Variants in AFF2 observed in about 807,000 individuals in gnomAD.
AFF2 encodes the protein ALF transcription elongation factor 2.
AFF2 carries 14 observed loss-of-function variants against 76.9 expected under a neutral mutation model. The observed-to-expected ratio is 0.18, with a 90% CI of 0.12 to 0.28. The LOEUF is 0.28. Ranked by LOEUF, AFF2 falls within the 10% of genes least tolerant of loss-of-function variation. The pLI is 1.00. For synonymous variants in AFF2, 398 were observed against 366.7 expected (o/e 1.09, Z -0.98); for missense variants, 868 against 1,001.1 (o/e 0.87, Z 1.79).
intron 3 of AFF2, among the ~76,000 whole-genome samples, chrX:148,799,597 G>A (rs1273907839): frequency 8.9e-6 from 1 of 112,033 alleles, no homozygotes; most frequent in Non-Finnish European, 1.9e-5. Flanking sequence ...TTCACAGCAG[G>A]CAAATTAATT....
At chrX:148,681,585 A>T (rs6654998) in intron 3 of AFF2, among the ~76,000 whole-genome samples, 3,861 of 38,139 alleles carry the variant, frequency 0.1, 201 homozygotes, top group African/African-American at 0.3. Flanking sequence ...TGTGTGTGTG[A>T]GAGAGAGAGA....
intron 1 of AFF2, among the ~76,000 whole-genome samples, chrX:148,526,240 G>T (rs1441911895): frequency 3.6e-5 from 4 of 110,526 alleles, no homozygotes; most frequent in African/African-American, 6.6e-5. Flanking sequence ...TTTATTTATT[G>T]CTAAAATTTG....
At chrX:148,927,000 G>C (rs782365759) in intron 9 of AFF2, among the ~76,000 whole-genome samples, 1 of 112,062 alleles carries the variant, frequency 8.9e-6, no homozygotes, top group East Asian at 2.8e-4. Flanking sequence ...GACCTAAGGC[G>C]TCACTTTCTC....
At chrX:148,546,214 G>C (rs1557238154) in intron 1 of AFF2, among the ~76,000 whole-genome samples, 2 of 111,455 alleles carry the variant, frequency 1.8e-5, no homozygotes, top group Admixed American at 1.9e-4. Context: ...ATTTTGCATA[G>C]ACTCCATAGT....
intron 3 of AFF2, among the ~76,000 whole-genome samples, chrX:148,733,482 G>C (rs1485847032): frequency 9.0e-6 from 1 of 111,003 alleles, no homozygotes; most frequent in Admixed American, 9.7e-5. Flanking sequence ...GAGAAACTGT[G>C]TTAGTGCTCT....
intron 12 of AFF2, 75 bp downstream of exon 12, chrX:148,958,533 T>C (rs1557287667): frequency 8.9e-7 from 1 of 1,118,279 alleles, no homozygotes; most frequent in Non-Finnish European, 1.2e-6. Flanking sequence ...TTGAACCTGT[T>C]TGGGGGATCT....
intron 3 of AFF2, among the ~76,000 whole-genome samples, chrX:148,703,860 G>A (rs1240753097): frequency 9.1e-6 from 1 of 110,125 alleles, no homozygotes; most frequent in African/African-American, 3.3e-5. Flanking sequence ...AATTATTAAT[G>A]CAACCTTAAA....
chrX:148,537,958 C>T (rs377050600), intron 1 of AFF2, among the ~76,000 whole-genome samples: 2 of 112,189 alleles, frequency 1.8e-5, no homozygotes, highest in Non-Finnish European at 3.8e-5. Flanking sequence ...CTTGTGGTGC[C>T]GCACAGGACG....
intron 1 of AFF2, among the ~76,000 whole-genome samples, chrX:148,517,574 G>A (rs1548388): frequency 4.7e-4 from 53 of 111,712 alleles, no homozygotes; most frequent in African/African-American, 1.7e-3. Context: ...CTAACCCTTA[G>A]TACATTGTAC....
intron 3 of AFF2, among the ~76,000 whole-genome samples, chrX:148,803,186 G>A (rs782813016): frequency 1.8e-4 from 20 of 111,525 alleles, no homozygotes; most frequent in Non-Finnish European, 3.4e-4. Context: ...GAGGATTGTA[G>A]GGCAGGCACC....
chrX:148,917,179 A>G (rs2071542123), intron 9 of AFF2, among the ~76,000 whole-genome samples: 1 of 111,991 alleles, frequency 8.9e-6, no homozygotes, highest in South Asian at 3.8e-4. Context: ...ACTGTTATTA[A>G]TAGAGCTAGA....
chrX:148,915,312 C>T (rs1014091785), intron 9 of AFF2, among the ~76,000 whole-genome samples: 1 of 112,544 alleles, frequency 8.9e-6, no homozygotes, highest in Non-Finnish European at 1.9e-5. Flanking sequence ...AGCATACCCT[C>T]ATGCACCATG....
chrX:148,712,463 A>C (rs1557262982), intron 3 of AFF2, among the ~76,000 whole-genome samples: 1 of 112,006 alleles, frequency 8.9e-6, no homozygotes, highest in African/African-American at 3.2e-5. Flanking sequence ...AGAACAACAC[A>C]AATTTTAAAA....
intron 4 of AFF2, among the ~76,000 whole-genome samples, chrX:148,830,418 C>G (rs2070439304): frequency 8.9e-6 from 1 of 112,078 alleles, no homozygotes; most frequent in African/African-American, 3.2e-5. Flanking sequence ...GTGGCTCCCT[C>G]CATGGGCCCA....
chrX:148,997,942 T>G lies in AFF2; in HGVS notation c.*6610T>G, dbSNP rs1156726652. 1 of 112,763 alleles carries G rather than the reference T, an allele frequency of 8.9e-6. No individual in the cohort carries two copies. The allele number at this position is 112,763 out of a possible 1,213,427, so 9.3% of individuals were successfully genotyped here. A position where few individuals can be genotyped will look rare whatever the true frequency, so the allele number is the denominator to read the frequency against. On this transcript the variant is annotated 3_prime_UTR_variant, in exon 21 of 21. Transcript: ENST00000370460. The stretch of plus-strand genomic sequence containing the variant: ...CCTGGATGATTCTACTTACTGGATA[T>G]TTTAGAAAGAGAAATGTCTGAGATA...
intron 9 of AFF2, among the ~76,000 whole-genome samples, chrX:148,943,097 G>C (rs1308551114): frequency 1.8e-5 from 2 of 111,598 alleles, no homozygotes; most frequent in African/African-American, 6.5e-5. Flanking sequence ...CAGCAGGGCT[G>C]TCTGTACATC....
intron 3 of AFF2, among the ~76,000 whole-genome samples, chrX:148,752,365 C>T (rs374359082): frequency 1.1e-4 from 12 of 111,730 alleles, no homozygotes; most frequent in African/African-American, 3.9e-4. Flanking sequence ...GTCCTGAACC[C>T]AGGATGAGCT....
At chrX:148,975,422 T>C (rs1335427672) in intron 16 of AFF2, among the ~76,000 whole-genome samples, 1 of 112,160 alleles carries the variant, frequency 8.9e-6, no homozygotes, top group Non-Finnish European at 1.9e-5. Context: ...TGACAGAGAC[T>C]ATGCAGCCGC....
intron 3 of AFF2, among the ~76,000 whole-genome samples, chrX:148,802,494 A>G (rs1240116068): frequency 5.3e-5 from 6 of 112,432 alleles, no homozygotes; most frequent in African/African-American, 1.9e-4. Flanking sequence ...TTGATAAAAG[A>G]AAAAGTTAGT....
Sources: gnomAD v4.1 joint callset for allele counts (sites outside exome capture counted in the v4.1 genomes callset) on GRCh38, gnomAD v4.1.1 for gene constraint, MANE v1.5 for transcripts, NCBI Gene and HGNC (gene_info 2026-07-23, HGNC 2026-07-21) for gene names.